PGAP4: variants seen among roughly 807,000 people sequenced by gnomAD.
PGAP4 encodes GPI-N-acetylgalactosamine transferase PGAP4.
A neutral mutation model predicts 28.2 loss-of-function variants in PGAP4; 12 were observed. That is an observed-to-expected ratio of 0.42 (90% CI 0.27 to 0.69). PGAP4 has a LOEUF of 0.69. Ranked by LOEUF, PGAP4 falls within the 30% of genes least tolerant of loss-of-function variation. The pLI is 0.22. For synonymous variants in PGAP4, 205 were observed against 211.8 expected (o/e 0.97, Z 0.28); for missense variants, 425 against 513.5 (o/e 0.83, Z 1.67).
At position 101,476,091 on chromosome 9, in the gene PGAP4, G is replaced by T. The variant is rs145820486; in HGVS notation, c.1002C>A (p.Thr334=). ...CAGGTGCCGGGAAGAGCATGGCTGG[G>T]GTGCAACACTGAGAGGCAGGAACCA... is the stretch of plus-strand genomic sequence containing the variant. ...YSVVPASQCC[T]PAMLFPAPAA... is the part of the protein sequence containing the mutation. Residue 334 remains threonine, a synonymous_variant, in exon 2 of 2, where the codon ACC becomes ACA. Coordinates refer to ENST00000374848, the MANE Select transcript of PGAP4 (RefSeq NM_032342.3). This position sits in a 1 kb window ranked among gnomAD's most constrained non-coding sequence, Gnocchi z 7.0. 1.3e-4 allele frequency: 202 copies of T among 1,614,136 alleles called. 1 individual carries two copies. In the African/African-American group the frequency reaches 2.4e-3, roughly 19 times the overall value.
chr9:101,514,106 C>T (rs1265366062), intron 2 of PGAP4, among the ~76,000 whole-genome samples: 1 of 151,964 alleles, frequency 6.6e-6, no homozygotes, highest in Non-Finnish European at 1.5e-5. Context: ...GATTCTTATG[C>T]CAGTCACCAC....
upstream of PGAP4, among the ~76,000 whole-genome samples, chr9:101,489,580 G>C (rs1186430106): frequency 2.0e-5 from 3 of 152,226 alleles, no homozygotes; most frequent in Non-Finnish European, 4.4e-5. Flanking sequence ...ATGAGGCAGT[G>C]AACCTATGGT....
At chr9:101,513,711 A>G (rs1009082827) in intron 2 of PGAP4, among the ~76,000 whole-genome samples, 66 of 152,082 alleles carry the variant, frequency 4.3e-4, no homozygotes, top group Non-Finnish European at 6.2e-4. Flanking sequence ...GATAGATAAG[A>G]GATTTATTAG....
chr9:101,507,945 A>C (rs1469570690), intron 2 of PGAP4, among the ~76,000 whole-genome samples: 2 of 152,112 alleles, frequency 1.3e-5, no homozygotes, highest in Admixed American at 1.3e-4. Context: ...CCAATCTCTT[A>C]TGAAATCCTT....
At chr9:101,488,017 G>A (rs1391397162), upstream of PGAP4, among the ~76,000 whole-genome samples, 2 of 152,094 alleles carry the variant, frequency 1.3e-5, no homozygotes, top group East Asian at 1.9e-4. Context: ...ACAAGATAAA[G>A]CATTAAAGCC....
At chr9:101,477,389 G>A (rs907719777) in intron 1 of PGAP4, among the ~76,000 whole-genome samples, 7 of 151,972 alleles carry the variant, frequency 4.6e-5, no homozygotes, top group Non-Finnish European at 7.4e-5. Flanking sequence ...TTATTTCTAT[G>A]AGTAATACGA....
chr9:101,482,972 T>C (rs1037359463), intron 1 of PGAP4, among the ~76,000 whole-genome samples: 23 of 152,258 alleles, frequency 1.5e-4, no homozygotes, highest in African/African-American at 5.3e-4. Flanking sequence ...TAATCCCATT[T>C]AGTTGACAAA....
At chr9:101,531,060 T>G (rs1827084541) in intron 2 of PGAP4, among the ~76,000 whole-genome samples, 1 of 152,140 alleles carries the variant, frequency 6.6e-6, no homozygotes, top group South Asian at 2.1e-4. Context: ...CAGACTGCCT[T>G]TAGACTTAAA....
exon 1 of PGAP4, chr9:101,532,858 C>G (rs1359370821): frequency 6.6e-6 from 1 of 152,180 alleles, no homozygotes; most frequent in Non-Finnish European, 1.5e-5. Flanking sequence ...AGTCTTCACA[C>G]TAACAGAAAT....
intron 2 of PGAP4, among the ~76,000 whole-genome samples, chr9:101,522,026 G>A (rs1459725024): frequency 6.6e-6 from 1 of 152,086 alleles, no homozygotes; most frequent in Non-Finnish European, 1.5e-5. Context: ...TTGTTTCAAA[G>A]GTTCCTTTTG....
At chr9:101,527,602 C>T (rs1200636195) in intron 2 of PGAP4, among the ~76,000 whole-genome samples, 1 of 152,122 alleles carries the variant, frequency 6.6e-6, no homozygotes, top group African/African-American at 2.4e-5. Flanking sequence ...ATATGGACCC[C>T]TCTTTCAAAG....
chr9:101,493,411 G>A (rs1826709946), intron 2 of PGAP4, among the ~76,000 whole-genome samples: 1 of 152,086 alleles, frequency 6.6e-6, no homozygotes, highest in Admixed American at 6.5e-5. Context: ...ATGGATTTGG[G>A]CAGAGTTTAT....
intron 2 of PGAP4, among the ~76,000 whole-genome samples, chr9:101,500,161 C>G (rs925466830): frequency 3.9e-5 from 6 of 152,052 alleles, no homozygotes; most frequent in African/African-American, 7.2e-5. Flanking sequence ...TTTCCTACTT[C>G]AGCTATAAAA....
At chr9:101,480,432 A>C (rs1428166020) in intron 1 of PGAP4, among the ~76,000 whole-genome samples, 2 of 152,132 alleles carry the variant, frequency 1.3e-5, no homozygotes, top group East Asian at 3.9e-4. Context: ...GGAATAGTGC[A>C]CCACAAGCTG....
At chr9:101,532,296 A>G (rs756354387) in intron 1 of PGAP4, among the ~76,000 whole-genome samples, 1 of 152,034 alleles carries the variant, frequency 6.6e-6, no homozygotes, top group African/African-American at 2.4e-5. Context: ...AAAAAAAAGA[A>G]GAAGCCACTA....
chr9:101,506,520 G>A (rs1826850246), intron 2 of PGAP4, among the ~76,000 whole-genome samples: 2 of 152,046 alleles, frequency 1.3e-5, no homozygotes, highest in Non-Finnish European at 2.9e-5. Context: ...GGCCTGATAT[G>A]ATTTGCCTCT....
upstream of PGAP4, among the ~76,000 whole-genome samples, chr9:101,491,024 G>A (rs1312218739): frequency 1.3e-5 from 2 of 152,140 alleles, no homozygotes; most frequent in African/African-American, 4.8e-5. Flanking sequence ...GCCTTCAGAA[G>A]ACCATTACAC....
At chr9:101,528,813 A>C (rs534045940) in intron 2 of PGAP4, among the ~76,000 whole-genome samples, 1 of 148,958 alleles carries the variant, frequency 6.7e-6, no homozygotes, top group Non-Finnish European at 1.5e-5. Flanking sequence ...TTTTTTTTTA[A>C]GTTCAGAGGC....
At chr9:101,525,835 T>G (rs1827031872) in intron 2 of PGAP4, among the ~76,000 whole-genome samples, 1 of 152,202 alleles carries the variant, frequency 6.6e-6, no homozygotes, top group African/African-American at 2.4e-5. Context: ...ATATCACAAC[T>G]TTAATGACTA....
Sources: gnomAD v4.1 joint callset for allele counts (sites outside exome capture counted in the v4.1 genomes callset) on GRCh38, gnomAD v4.1.1 for gene constraint, Gnocchi (gnomAD v3.1) non-coding constraint, MANE v1.5 for transcripts, NCBI Gene and HGNC (gene_info 2026-07-23, HGNC 2026-07-21) for gene names.